Variants in ZMAT4 observed in about 807,000 individuals in gnomAD.
The protein encoded by ZMAT4 is zinc finger matrin-type protein 4.
Under a neutral mutation model 28.7 loss-of-function variants are expected in ZMAT4, and 17 were observed. That is an observed-to-expected ratio of 0.59 (90% CI 0.41 to 0.89). The LOEUF (loss-of-function observed/expected upper bound fraction) is 0.89, where lower values mean the gene tolerates loss of function less well. ZMAT4 is among the 40% of genes least tolerant of loss of function. The probability of loss-of-function intolerance (pLI) is 0.00; values close to 1 mark genes in which losing one functional copy is unlikely to be tolerated. For synonymous variants in ZMAT4, 117 were observed against 109.2 expected (o/e 1.07, Z -0.44); for missense variants, 240 against 283.8 (o/e 0.85, Z 1.11).
rs114898228 is a variant in ZMAT4 at position 40,893,684 on chromosome 8, G to A, written c.-5+3999C>T. Among the ~76,000 whole-genome samples the A allele has an allele frequency of 6.8e-3, 1,032 of 152,168 alleles. 15 individuals carry two copies. The highest frequency in any genetic ancestry group is 0.023 in the African/African-American group (972 of 41,516). On this transcript the variant is annotated intron_variant, in intron 1 of 6. Transcript: ENST00000297737. Reference sequence around the variant, plus strand: ...TTTCTTTCCAACTTTTTAATTTTACGTCCGGGGGTACATGTGCAGGTTTGT... The same window carrying A: ...TTTCTTTCCAACTTTTTAATTTTACATCCGGGGGTACATGTGCAGGTTTGT...
intron 3 of ZMAT4, among the ~76,000 whole-genome samples, chr8:40,715,830 A>C (rs1810828022): frequency 6.6e-6 from 1 of 152,234 alleles, no homozygotes; most frequent in Non-Finnish European, 1.5e-5. Flanking sequence ...CTGTGGGTCC[A>C]TTTACATGCC....
chr8:40,650,313 C>T (rs1162129816), intron 5 of ZMAT4, among the ~76,000 whole-genome samples: 3 of 151,410 alleles, frequency 2.0e-5, no homozygotes, highest in African/African-American at 7.3e-5. Context: ...TGCAAATAAA[C>T]TAGAAAATCT....
intron 1 of ZMAT4, among the ~76,000 whole-genome samples, chr8:40,880,823 T>C (rs541213637): frequency 1.3e-5 from 2 of 152,180 alleles, no homozygotes; most frequent in East Asian, 3.9e-4. Context: ...CTCTGAACTA[T>C]AGTAAATTTA....
At chr8:40,751,117 C>T (rs1054620480) in intron 3 of ZMAT4, among the ~76,000 whole-genome samples, 1 of 152,168 alleles carries the variant, frequency 6.6e-6, no homozygotes, top group Non-Finnish European at 1.5e-5. Flanking sequence ...GAACACACTC[C>T]TTCTCTCTTA....
chr8:40,755,582 A>C (rs1307823494), intron 3 of ZMAT4, among the ~76,000 whole-genome samples: 3 of 152,204 alleles, frequency 2.0e-5, no homozygotes, highest in Admixed American at 6.5e-5. Context: ...CCTCCCGGGA[A>C]GCTGGGACTA....
At chr8:40,875,303 C>T (rs949556452) in intron 1 of ZMAT4, among the ~76,000 whole-genome samples, 8 of 152,182 alleles carry the variant, frequency 5.3e-5, no homozygotes, top group African/African-American at 1.9e-4. Flanking sequence ...CACTGGACTG[C>T]ATCTTGCCTT....
chr8:40,873,657 G>C (rs984000402), intron 1 of ZMAT4, among the ~76,000 whole-genome samples: 1 of 152,190 alleles, frequency 6.6e-6, no homozygotes, highest in Non-Finnish European at 1.5e-5. Context: ...CCCCACACCT[G>C]CCTGCCATGC....
Position 40,560,403 on chromosome 8 carries a change from CAAAT to C in ZMAT4, c.674+20758_674+20761del, listed in dbSNP as rs534568711. On this transcript the variant is annotated intron_variant, in intron 6 of 6. Transcript: ENST00000297737. ...TTCATCAATGCTTTTTCTTGGAAAA[CAAAT>C]AATCATATCTTTCCCCTCAAAGTAA... 8.9e-4 allele frequency among the ~76,000 whole-genome samples: 135 copies of C among 151,820 alleles called. 1 individual carries two copies. The highest frequency in any genetic ancestry group is 3.2e-3 in the African/African-American group (131 of 41,420).
intron 1 of ZMAT4, among the ~76,000 whole-genome samples, chr8:40,856,919 G>A (rs1338714580): frequency 1.3e-5 from 2 of 152,206 alleles, no homozygotes; most frequent in African/African-American, 2.4e-5. Flanking sequence ...GGATGGGGGA[G>A]AAGCTGGCCT....
intron 1 of ZMAT4, among the ~76,000 whole-genome samples, chr8:40,834,648 C>T (rs1017925303): frequency 6.6e-6 from 1 of 152,150 alleles, no homozygotes; most frequent in African/African-American, 2.4e-5. Flanking sequence ...GCACACACCA[C>T]CCTCCATAAA....
intron 5 of ZMAT4, among the ~76,000 whole-genome samples, chr8:40,623,870 G>A (rs1160418921): frequency 6.6e-6 from 1 of 152,188 alleles, no homozygotes; most frequent in Non-Finnish European, 1.5e-5. Flanking sequence ...TATTCTAGCA[G>A]AAGACACTTT....
At chr8:40,700,061 C>G (rs553133718) in intron 3 of ZMAT4, among the ~76,000 whole-genome samples, 4 of 152,236 alleles carry the variant, frequency 2.6e-5, no homozygotes, top group African/African-American at 7.2e-5. Flanking sequence ...TATGTATTTA[C>G]CCAACACATT....
intron 2 of ZMAT4, among the ~76,000 whole-genome samples, chr8:40,806,364 C>A (rs1401008637): frequency 6.6e-6 from 1 of 152,098 alleles, no homozygotes; most frequent in Admixed American, 6.5e-5. Context: ...GACTTTATTT[C>A]TTAATGACAT....
chr8:40,743,869 C>T (rs1812115505), intron 3 of ZMAT4, among the ~76,000 whole-genome samples: 1 of 152,168 alleles, frequency 6.6e-6, no homozygotes, highest in Admixed American at 6.5e-5. Context: ...AGCCACAGAT[C>T]ACGGTGGCCT....
At chr8:40,618,715 A>G (rs1331836933) in intron 5 of ZMAT4, among the ~76,000 whole-genome samples, 1 of 151,458 alleles carries the variant, frequency 6.6e-6, no homozygotes, top group Non-Finnish European at 1.5e-5. Flanking sequence ...CAGAAGATGG[A>G]AAGTGGGAGC....
In ZMAT4 at chr8:40,695,661, T is replaced by C. The variant is rs552933459; in HGVS notation, c.349+1584A>G. 2.6e-5 allele frequency among the ~76,000 whole-genome samples: 4 copies of C among 152,238 alleles called. No homozygotes were observed. In the South Asian group the frequency reaches 8.3e-4, roughly 32 times the overall value. On this transcript the variant is annotated intron_variant, in intron 4 of 6. Transcript: ENST00000297737. ...TGATGGCTAACAAATTACACTCGAGTTCTATTTCCCAGATCTGAGGGTGTT... is the reference window on the plus strand; with the variant it reads ...TGATGGCTAACAAATTACACTCGAGCTCTATTTCCCAGATCTGAGGGTGTT...
chr8:40,866,551 G>A (rs1433201511), intron 1 of ZMAT4, among the ~76,000 whole-genome samples: 2 of 152,178 alleles, frequency 1.3e-5, no homozygotes, highest in African/African-American at 2.4e-5. Flanking sequence ...GTGTTTTATA[G>A]ATTACTGATG....
At chr8:40,785,604 T>C (rs900843646) in intron 2 of ZMAT4, among the ~76,000 whole-genome samples, 5 of 152,152 alleles carry the variant, frequency 3.3e-5, no homozygotes, top group African/African-American at 1.2e-4. Flanking sequence ...TTCCTGACCC[T>C]CATCATTTTT....
intron 3 of ZMAT4, among the ~76,000 whole-genome samples, chr8:40,733,973 A>G (rs1021023533): frequency 5.3e-5 from 8 of 152,176 alleles, no homozygotes; most frequent in African/African-American, 1.9e-4. Flanking sequence ...TATGTACACT[A>G]AAATGGTGGA....
Sources: gnomAD v4.1 joint callset for allele counts (sites outside exome capture counted in the v4.1 genomes callset) on GRCh38, gnomAD v4.1.1 for gene constraint, MANE v1.5 for transcripts, NCBI Gene and HGNC (gene_info 2026-07-23, HGNC 2026-07-21) for gene names.